ZNF573: variants seen among roughly 807,000 people sequenced by gnomAD.
ZNF573 encodes zinc finger protein 573.
Under a neutral mutation model 57.4 loss-of-function variants are expected in ZNF573, and 41 were observed. The ratio of observed to expected loss-of-function variants is 0.71; its 90% confidence interval spans 0.56 to 0.93. ZNF573 has a LOEUF of 0.93. Ranked by LOEUF, ZNF573 falls within the 40% of genes least tolerant of loss-of-function variation. The pLI is 0.00. For missense variants in ZNF573, 730 were observed against 794.8 expected, an observed-to-expected ratio of 0.92 and a Z score of 0.98; for synonymous variants, 249 against 261.0, an observed-to-expected ratio of 0.95 and a Z score of 0.44.
Position 37,770,112 on chromosome 19 carries a change from A to C in ZNF573, c.203-15T>G. On this transcript the variant is annotated splice_polypyrimidine_tract_variant and intron_variant, in intron 3 of 4. Transcript: ENST00000536220. ...GGAATGTCCTCCTTATAAGAAAAGA[A>C]ATGCCACATGGTATAAAAATAAAAA... 6.6e-7 allele frequency: 1 copy of C among 1,523,586 alleles called. No homozygotes were observed. Among genetic ancestry groups the C allele is most frequent in the Non-Finnish European group, 8.8e-7 (1 of 1,131,328 alleles). The allele number at this position is 1,523,586 out of a possible 1,614,324, so 94.4% of individuals were successfully genotyped here.
At chr19:37,773,927 G>T (rs2045682708) in intron 1 of ZNF573, among the ~76,000 whole-genome samples, 176 bp from the exon 2 acceptor site, 1 of 152,002 alleles carries the variant, frequency 6.6e-6, no homozygotes, top group Non-Finnish European at 1.5e-5. Context: ...CTATACAAAG[G>T]TAGTTTTAGA....
chr19:37,741,661 G>A (rs772049929), intron 4 of ZNF573, among the ~76,000 whole-genome samples: 1 of 152,056 alleles, frequency 6.6e-6, no homozygotes, highest in Admixed American at 6.6e-5. Flanking sequence ...CAATAAACTA[G>A]GTATTGATGG....
chr19:37,755,935 A>C (rs765790867), intron 4 of ZNF573, among the ~76,000 whole-genome samples: 5 of 152,066 alleles, frequency 3.3e-5, no homozygotes, highest in Non-Finnish European at 5.9e-5. Flanking sequence ...AATCACTTTT[A>C]TAAACCTTGT....
intron 4 of ZNF573, among the ~76,000 whole-genome samples, chr19:37,749,646 T>C (rs763323880): frequency 6.6e-5 from 10 of 152,066 alleles, no homozygotes; most frequent in Non-Finnish European, 1.5e-4. Flanking sequence ...AAAATGGAGT[T>C]CACAAATACC....
chr19:37,763,847 T>C (rs2045575296), intron 4 of ZNF573, among the ~76,000 whole-genome samples: 1 of 152,064 alleles, frequency 6.6e-6, no homozygotes, highest in South Asian at 2.1e-4. Context: ...GCAGGTCACC[T>C]GAGTTTGGGA....
chr19:37,739,387 G>C lies in ZNF573; in HGVS notation c.1103C>G (p.Thr368Ser). ...YECKECKKTF[T>S]LYRNLTRHQN... ...ATGCCGAGTAAGATTTCTATACAAA[G>C]TAAAGGTTTTCTTACACTCCTTACA... Residue 368 changes from threonine to serine, a missense_variant, in exon 5 of 5, where the codon ACT (threonine) becomes AGT (serine). Physicochemically the swap from Thr to Ser is moderately conservative, Grantham distance 58 (BLOSUM62 1). Coordinates refer to ENST00000536220, the MANE Select transcript of ZNF573 (RefSeq NM_001172690.2). 1 of 1,613,814 alleles carries C rather than the reference G, an allele frequency of 6.2e-7. No individual in the cohort carries two copies. The highest frequency in any genetic ancestry group is 8.5e-7 in the Non-Finnish European group (1 of 1,179,924).
At chr19:37,776,287 A>T (rs755096536) in intron 1 of ZNF573, among the ~76,000 whole-genome samples, 7 of 152,248 alleles carry the variant, frequency 4.6e-5, no homozygotes, top group Non-Finnish European at 1.0e-4. Flanking sequence ...AAAAACAGGC[A>T]TGTAGACCAA....
At chr19:37,760,976 T>C (rs1168053085) in intron 4 of ZNF573, among the ~76,000 whole-genome samples, 2 of 152,066 alleles carry the variant, frequency 1.3e-5, no homozygotes, top group Non-Finnish European at 2.9e-5. Flanking sequence ...GGCAGGTAGA[T>C]GACCTGAGGT....
chr19:37,771,250 T>C (rs1379200597), intron 3 of ZNF573, among the ~76,000 whole-genome samples: 1 of 151,734 alleles, frequency 6.6e-6, no homozygotes, highest in Admixed American at 6.6e-5. Context: ...CCAGGATTCC[T>C]GGGCAATGGT....
chr19:37,738,535 G>A lies in ZNF573; in HGVS notation c.1955C>T (p.Ala652Val). The change falls in exon 5 of 5, where the codon GCC (alanine) becomes GTC (valine). Residue 652 changes from alanine (A) to valine (V), a missense_variant. Transcript: ENST00000536220. ...QCGKTFRYGS[A>V]LKAHQRIHRS... ...ATGAATTCTCTGATGGGCTTTAAGG[G>A]CTGAACCATATCTGAAGGTTTTCCC... is the stretch of plus-strand genomic sequence containing the variant. 1 of 1,564,736 alleles carries A rather than the reference G, an allele frequency of 6.4e-7. No homozygotes were observed. The highest frequency in any genetic ancestry group is 8.6e-7 in the Non-Finnish European group (1 of 1,160,212).
At chr19:37,749,430 T>C (rs1233475105) in intron 4 of ZNF573, among the ~76,000 whole-genome samples, 1 of 152,010 alleles carries the variant, frequency 6.6e-6, no homozygotes, top group Non-Finnish European at 1.5e-5. Context: ...AATTCCCATA[T>C]AAAATTATTT....
chr19:37,757,770 T>C (rs1304236179), intron 4 of ZNF573, among the ~76,000 whole-genome samples: 4 of 152,040 alleles, frequency 2.6e-5, no homozygotes, highest in South Asian at 2.1e-4. Flanking sequence ...CTACTCACAA[T>C]AGCAAAGACT....
intron 4 of ZNF573, among the ~76,000 whole-genome samples, chr19:37,766,589 C>T (rs2045603964): frequency 6.6e-6 from 1 of 152,172 alleles, no homozygotes; most frequent in Non-Finnish European, 1.5e-5. Flanking sequence ...TTCATCTTTA[C>T]CTAATCCTAA....
In ZNF573 at chr19:37,769,748, A is replaced by AT. The variant is rs2045637465; in HGVS notation, c.295+256_295+257insA. ...CTCGGAAAAAAAAAAAAAAAAAAAA[A>AT]AAGAAAAGAAAAAAGAAAGCCCCAT... On this transcript the variant is annotated intron_variant, in intron 4 of 4. Coordinates refer to ENST00000536220, the MANE Select transcript of ZNF573 (RefSeq NM_001172690.2). Among the ~76,000 whole-genome samples, 13 of 151,014 alleles carry AT rather than the reference A, an allele frequency of 8.6e-5. No homozygotes were observed. The South Asian group carries it at 2.7e-3, about 32-fold the overall frequency.
At chr19:37,757,964 A>G (rs2045505977) in intron 4 of ZNF573, among the ~76,000 whole-genome samples, 2 of 151,444 alleles carry the variant, frequency 1.3e-5, no homozygotes, top group Non-Finnish European at 2.9e-5. Flanking sequence ...AACACTGCAT[A>G]TTCTCACTCA....
intron 1 of ZNF573, among the ~76,000 whole-genome samples, chr19:37,775,319 A>G (rs1236552183): frequency 6.6e-6 from 1 of 152,180 alleles, no homozygotes; most frequent in East Asian, 1.9e-4. Context: ...CGCCTGGCCT[A>G]GTTTCACTTT....
Position 37,770,090 on chromosome 19 carries a change from A to C in ZNF573, c.210T>G (p.His70Gln), listed in dbSNP as rs1362303137. Residue 70 changes from histidine to glutamine, a missense_variant, in exon 4 of 5, where the codon CAT becomes CAG. Coordinates refer to ENST00000536220, the MANE Select transcript of ZNF573 (RefSeq NM_001172690.2). ...NYRNLVSLGG[H>Q]SISKPVVVDL... ...CAACCACAACTGGTTTAGAAATGGA[A>C]TGTCCTCCTTATAAGAAAAGAAATG... The C allele has an allele frequency of 1.3e-6, 2 of 1,549,980 alleles. No individual in the cohort carries two copies. Among genetic ancestry groups the C allele is most frequent in the Admixed American group, 2.0e-5 (1 of 50,642 alleles).
intron 4 of ZNF573, among the ~76,000 whole-genome samples, chr19:37,752,482 A>T (rs2045447804): frequency 6.6e-6 from 1 of 152,210 alleles, no homozygotes. Flanking sequence ...ACATTATGCT[A>T]AGTGAAAGAA....
At chr19:37,778,024 CAAA>C (rs34141847) in intron 1 of ZNF573, among the ~76,000 whole-genome samples, 1 of 56,132 alleles carries the variant, frequency 1.8e-5, no homozygotes. Flanking sequence ...GACTCTGTCT[CAAA>C]AAAAAAAAAA....
Sources: gnomAD v4.1 joint callset for allele counts (sites outside exome capture counted in the v4.1 genomes callset) on GRCh38, gnomAD v4.1.1 for gene constraint, MANE v1.5 for transcripts, NCBI Gene and HGNC (gene_info 2026-07-23, HGNC 2026-07-21) for gene names.